Variants in HMCN1 observed in about 807,000 individuals in gnomAD.
HMCN1 encodes hemicentin 1.
HMCN1 carries 321 observed loss-of-function variants against 625.9 expected under a neutral mutation model. That is an observed-to-expected ratio of 0.51 (90% CI 0.47 to 0.56). The LOEUF is 0.56. Ranked by LOEUF, HMCN1 falls within the 20% of genes least tolerant of loss-of-function variation. HMCN1 has a pLI of 0.00. For synonymous variants in HMCN1, 2,425 were observed against 2,417.6 expected (o/e 1.00, Z -0.09); for missense variants, 6,588 against 6,887.3 (o/e 0.96, Z 1.54).
intron 55 of HMCN1, among the ~76,000 whole-genome samples, chr1:186,079,752 C>T (rs1659053700): frequency 6.6e-6 from 1 of 152,108 alleles, no homozygotes. Flanking sequence ...GATGTTCATG[C>T]CTCAGGCTGT....
At chr1:186,161,920 T>C (rs192893728) in intron 97 of HMCN1, among the ~76,000 whole-genome samples, 1,748 of 152,084 alleles carry the variant, frequency 0.011, 28 homozygotes, top group African/African-American at 0.041. Flanking sequence ...TCTCAAGGAG[T>C]ATCTTTGTGG....
intron 36 of HMCN1, among the ~76,000 whole-genome samples, chr1:186,031,054 TAC>T (rs1321708788): frequency 2.6e-5 from 4 of 152,016 alleles, no homozygotes; most frequent in African/African-American, 7.2e-5. Context: ...GAGCAAAATA[TAC>T]AGTTTTTACA....
At chr1:185,745,293 G>C (rs1350144270) in intron 1 of HMCN1, among the ~76,000 whole-genome samples, 2 of 152,130 alleles carry the variant, frequency 1.3e-5, no homozygotes, top group Non-Finnish European at 2.9e-5. Flanking sequence ...TTCTAACTAG[G>C]GTTCAGGGTG....
intron 1 of HMCN1, among the ~76,000 whole-genome samples, chr1:185,786,010 G>A (rs988062607): frequency 5.5e-4 from 84 of 152,172 alleles, no homozygotes; most frequent in African/African-American, 2.0e-3. Flanking sequence ...AGCTATCACT[G>A]GCAAATCATT....
chr1:186,171,568 A>T, intron 101 of HMCN1, 118 bp downstream of exon 101: 4 of 829,704 alleles, frequency 4.8e-6, no homozygotes, highest in Non-Finnish European at 8.3e-6. Context: ...TCAAGCATGC[A>T]GCATGTATGC....
At chr1:185,858,879 T>C (rs1175267721) in intron 2 of HMCN1, among the ~76,000 whole-genome samples, 1 of 151,912 alleles carries the variant, frequency 6.6e-6, no homozygotes, top group Non-Finnish European at 1.5e-5. Flanking sequence ...GTCTCTGACT[T>C]TGTGAGGCTT....
At position 186,007,215 on chromosome 1, in the gene HMCN1, G is replaced by C; in HGVS notation, c.4563G>C (p.Gly1521=). 6.2e-7 allele frequency: 1 copy of C among 1,613,500 alleles called. No individual in the cohort carries two copies. The highest frequency in any genetic ancestry group is 8.5e-7 in the Non-Finnish European group (1 of 1,179,554). ...AGAATGCACGGAGAAATGACAAGGG[G>C]CGCTACCAATGTACTGTGTCTAATG... The part of the protein sequence containing the change: ...HLKNARRNDK[G]RYQCTVSNAA... Residue 1521 remains glycine, a synonymous_variant, in exon 30 of 107, where the codon GGG becomes GGC. Coordinates refer to ENST00000271588, the MANE Select transcript of HMCN1 (RefSeq NM_031935.3).
intron 2 of HMCN1, among the ~76,000 whole-genome samples, chr1:185,850,367 T>C (rs1465736881): frequency 6.6e-6 from 1 of 152,116 alleles, no homozygotes; most frequent in Non-Finnish European, 1.5e-5. Context: ...TAGGAAGGCA[T>C]TTATTGTATT....
At chr1:186,119,023 G>A (rs958560583) in intron 77 of HMCN1, among the ~76,000 whole-genome samples, 168 bp from the exon 78 acceptor site, 1 of 152,132 alleles carries the variant, frequency 6.6e-6, no homozygotes, top group African/African-American at 2.4e-5. Context: ...CAATAAAGCT[G>A]TTAGTAATAA....
chr1:185,813,500 T>G (rs2102250779), intron 1 of HMCN1, among the ~76,000 whole-genome samples: 1 of 152,254 alleles, frequency 6.6e-6, no homozygotes, highest in Non-Finnish European at 1.5e-5. Flanking sequence ...TTAGGTCAGC[T>G]TTGAATAAGC....
intron 4 of HMCN1, among the ~76,000 whole-genome samples, chr1:185,886,215 GA>G (rs199716154): frequency 0.069 from 9,649 of 139,682 alleles, 1,064 homozygotes; most frequent in African/African-American, 0.23. Flanking sequence ...TCTATTGGAA[GA>G]AAAAAAAAAA....
intron 1 of HMCN1, among the ~76,000 whole-genome samples, chr1:185,824,813 T>G (rs1250141728): frequency 1.3e-5 from 2 of 152,148 alleles, no homozygotes; most frequent in African/African-American, 4.8e-5. Flanking sequence ...TTTTATTCGA[T>G]AGCCTGTGGT....
chr1:185,997,564 A>C (rs751288724), intron 25 of HMCN1, 40 bp downstream of exon 25: 1 of 1,372,140 alleles, frequency 7.3e-7, no homozygotes, highest in African/African-American at 1.4e-5. Context: ...GCATAATGTT[A>C]TATGGTTTCA....
chr1:185,939,992 A>G (rs114200207), intron 11 of HMCN1, among the ~76,000 whole-genome samples: 2,049 of 152,280 alleles, frequency 0.013, 31 homozygotes, highest in African/African-American at 0.045. Context: ...GTTGAGCTCT[A>G]AAAAGTTTAT....
intron 9 of HMCN1, among the ~76,000 whole-genome samples, chr1:185,926,336 A>G (rs1427254439): frequency 2.0e-5 from 3 of 152,128 alleles, no homozygotes; most frequent in Non-Finnish European, 4.4e-5. Context: ...GACATTTTCT[A>G]CTCTTAAAGA....
intron 105 of HMCN1, 34 bp from the exon 106 acceptor site, chr1:186,187,849 T>C: frequency 6.2e-7 from 1 of 1,613,312 alleles, no homozygotes; most frequent in Non-Finnish European, 8.5e-7. Context: ...TCACCCTCAC[T>C]GCTGATGCTG....
chr1:186,127,598 A>C (rs950498567), intron 82 of HMCN1, among the ~76,000 whole-genome samples: 1 of 152,114 alleles, frequency 6.6e-6, no homozygotes, highest in African/African-American at 2.4e-5. Flanking sequence ...CAAATGCATC[A>C]AGAAAGATGA....
intron 100 of HMCN1, among the ~76,000 whole-genome samples, chr1:186,168,147 T>C (rs1332213576): frequency 1.3e-5 from 2 of 150,894 alleles, no homozygotes; most frequent in South Asian, 2.1e-4. Flanking sequence ...GAGATATTTA[T>C]GTGGCTGCAG....
chr1:186,174,658 C>T lies in HMCN1; in HGVS notation c.15943+16C>T. ...CCCTGCATGGGTAAGTTAATAGGAACTTGTTGAGCAATAAAGCTACTGATG... is the reference window on the plus strand; with the variant it reads ...CCCTGCATGGGTAAGTTAATAGGAATTTGTTGAGCAATAAAGCTACTGATG... On this transcript the variant is annotated intron_variant, in intron 103 of 106. Transcript: ENST00000271588. 1 of 1,613,626 alleles carries T rather than the reference C, an allele frequency of 6.2e-7. No individual in the cohort carries two copies.
Sources: gnomAD v4.1 joint callset for allele counts (sites outside exome capture counted in the v4.1 genomes callset) on GRCh38, gnomAD v4.1.1 for gene constraint, MANE v1.5 for transcripts, NCBI Gene and HGNC (gene_info 2026-07-23, HGNC 2026-07-21) for gene names.